XKR9: variants seen among roughly 807,000 people sequenced by gnomAD.
XKR9 encodes XK related 9, also known as XK-related protein 9.
XKR9 carries 32 observed loss-of-function variants against 32.0 expected under a neutral mutation model. The ratio of observed to expected loss-of-function variants is 1.00; its 90% CI spans 0.76 to 1.34. The LOEUF (loss-of-function observed/expected upper bound fraction) is 1.34. XKR9 is among the 40% of genes most tolerant of loss of function. The pLI is 0.00. For missense variants in XKR9, 546 were observed against 429.7 expected, an observed-to-expected ratio of 1.27 and a Z score of -2.39; for synonymous variants, 168 against 143.4, an observed-to-expected ratio of 1.17 and a Z score of -1.22.
At chr8:70,825,217 C>T in the XKR9 span, among the ~76,000 whole-genome samples, 1 of 152,072 alleles carries the variant, frequency 6.6e-6, no homozygotes, top group Admixed American at 6.5e-5. Context: ...CTGCACTTCA[C>T]CTACTGATCA....
downstream of XKR9, among the ~76,000 whole-genome samples, chr8:70,738,839 T>C (rs918050732): frequency 7.2e-5 from 11 of 152,236 alleles, no homozygotes; most frequent in African/African-American, 2.7e-4. Flanking sequence ...GAGAGACAGT[T>C]TGTTATAATT....
At chr8:70,768,098 C>G (rs1430534096) in intron 2 of XKR9, among the ~76,000 whole-genome samples, 2 of 152,170 alleles carry the variant, frequency 1.3e-5, no homozygotes, top group African/African-American at 4.8e-5. Flanking sequence ...TTAGCTGTGT[C>G]CCAGAGATTC....
At chr8:70,748,402 G>T (rs866959270) in intron 2 of XKR9, among the ~76,000 whole-genome samples, 8 of 152,232 alleles carry the variant, frequency 5.3e-5, no homozygotes, top group Non-Finnish European at 7.3e-5. Flanking sequence ...CGCTCCTGGC[G>T]CCTTCTCTGG....
At chr8:70,744,210 C>T (rs1329544387) in intron 2 of XKR9, among the ~76,000 whole-genome samples, 1 of 151,820 alleles carries the variant, frequency 6.6e-6, no homozygotes, top group Non-Finnish European at 1.5e-5. Flanking sequence ...ACTTGGGAGG[C>T]TGAGGAAGGA....
chr8:70,673,179 A>T (rs767654849), intron 1 of XKR9, among the ~76,000 whole-genome samples: 2 of 152,178 alleles, frequency 1.3e-5, no homozygotes, highest in Non-Finnish European at 2.9e-5. Flanking sequence ...TTCTTCTAGT[A>T]GTTTTATAGT....
At chr8:70,878,827 T>C in the XKR9 span, among the ~76,000 whole-genome samples, 1 of 152,124 alleles carries the variant, frequency 6.6e-6, no homozygotes, top group Admixed American at 6.6e-5. Context: ...TACAGAACTC[T>C]CCACCCCAAA....
chr8:71,037,552 T>C, the XKR9 span, among the ~76,000 whole-genome samples: 6 of 152,230 alleles, frequency 3.9e-5, no homozygotes, highest in Non-Finnish European at 7.3e-5. Flanking sequence ...CCTCTGATTT[T>C]ATAATTCAAA....
At chr8:70,857,813 A>G in the XKR9 span, among the ~76,000 whole-genome samples, 2 of 152,228 alleles carry the variant, frequency 1.3e-5, no homozygotes, top group African/African-American at 4.8e-5. Flanking sequence ...GGTTCAACAT[A>G]TGCAAATCAA....
At chr8:70,776,482 C>G (rs1314386158) in intron 2 of XKR9, among the ~76,000 whole-genome samples, 1 of 152,012 alleles carries the variant, frequency 6.6e-6, no homozygotes, top group African/African-American at 2.4e-5. Flanking sequence ...TGGTTGGATT[C>G]TTATTTCTAA....
the XKR9 span, among the ~76,000 whole-genome samples, chr8:70,851,319 G>A: frequency 6.6e-6 from 1 of 152,108 alleles, no homozygotes; most frequent in South Asian, 2.1e-4. Context: ...CATATTCATG[G>A]ATAGGAAGAA....
At chr8:70,852,313 A>G in the XKR9 span, among the ~76,000 whole-genome samples, 16 of 152,232 alleles carry the variant, frequency 1.1e-4, no homozygotes, top group African/African-American at 2.9e-4. Flanking sequence ...GGAGAAAAGA[A>G]TGCTTTCACA....
chr8:71,002,701 T>G, the XKR9 span, among the ~76,000 whole-genome samples: 8 of 152,344 alleles, frequency 5.3e-5, no homozygotes, highest in Non-Finnish European at 1.2e-4. Context: ...AAACTCATGC[T>G]TTGAGAAGTG....
the XKR9 span, among the ~76,000 whole-genome samples, chr8:70,909,296 T>C: frequency 6.6e-6 from 1 of 152,198 alleles, no homozygotes; most frequent in East Asian, 1.9e-4. Flanking sequence ...CATACCATGC[T>C]GTTTCTTGTT....
the XKR9 span, among the ~76,000 whole-genome samples, chr8:70,979,996 G>A: frequency 4.2e-4 from 64 of 152,356 alleles, no homozygotes; most frequent in African/African-American, 1.2e-3. Flanking sequence ...CAGGCTTGCT[G>A]CCTCGCAGTT....
the XKR9 span, among the ~76,000 whole-genome samples, chr8:70,881,657 A>C: frequency 6.6e-6 from 1 of 152,170 alleles, no homozygotes; most frequent in Admixed American, 6.5e-5. Context: ...ACACTTTTAC[A>C]CTGTTGCTGG....
chr8:70,679,779 T>A (rs1819012234), intron 2 of XKR9, among the ~76,000 whole-genome samples: 1 of 152,196 alleles, frequency 6.6e-6, no homozygotes, highest in Non-Finnish European at 1.5e-5. Context: ...TATAAAATAG[T>A]AATAATAATA....
the XKR9 span, among the ~76,000 whole-genome samples, chr8:71,050,290 T>A: frequency 7.5e-6 from 1 of 134,104 alleles, no homozygotes; most frequent in South Asian, 2.3e-4. Context: ...GATATAGATA[T>A]AGATATATAT....
At chr8:70,877,855 T>G in the XKR9 span, among the ~76,000 whole-genome samples, 1 of 152,076 alleles carries the variant, frequency 6.6e-6, no homozygotes, top group South Asian at 2.1e-4. Context: ...AAGACATAAT[T>G]GTCAGTTTCA....
At chr8:70,846,043 C>G in the XKR9 span, among the ~76,000 whole-genome samples, 1 of 152,142 alleles carries the variant, frequency 6.6e-6, no homozygotes, top group African/African-American at 2.4e-5. Flanking sequence ...ATTCTAAAAA[C>G]AGCAAGGGAA....
Sources: allele counts gnomAD v4.1 joint callset (sites outside exome capture counted in the v4.1 genomes callset), GRCh38; gene constraint gnomAD v4.1.1; transcripts MANE v1.5; gene names NCBI Gene and HGNC (gene_info 2026-07-23, HGNC 2026-07-21).